Variants in GPC5 observed in about 807,000 individuals in gnomAD.
GPC5 encodes glypican-5.
In GPC5, 47 loss-of-function variants were observed where a neutral mutation model predicts 53.9. That is an observed-to-expected ratio of 0.87 (90% confidence interval 0.69 to 1.11). The LOEUF (loss-of-function observed/expected upper bound fraction) is 1.11, where lower values mean the gene tolerates loss of function less well. Ranked by LOEUF, GPC5 falls within the 50% of genes most tolerant of loss-of-function variation. GPC5 has a pLI of 0.00. For missense variants in GPC5, 748 were observed against 713.1 expected (o/e 1.05, Z -0.56); for synonymous variants, 286 against 263.3 (o/e 1.09, Z -0.84).
At chr13:92,722,233 T>C (rs893175585) in intron 7 of GPC5, among the ~76,000 whole-genome samples, 1 of 152,010 alleles carries the variant, frequency 6.6e-6, no homozygotes, top group Non-Finnish European at 1.5e-5. Context: ...TGCATGTAGT[T>C]TGTGTATGGT....
intron 7 of GPC5, among the ~76,000 whole-genome samples, chr13:92,537,616 G>A (rs932289577): frequency 5.3e-5 from 8 of 151,938 alleles, no homozygotes; most frequent in South Asian, 2.1e-4. Flanking sequence ...AGTCTCCTAG[G>A]TGTACTAGTA....
chr13:91,482,864 G>GT (rs111997854), intron 2 of GPC5, among the ~76,000 whole-genome samples: 13,333 of 142,226 alleles, frequency 0.094, 659 homozygotes, highest in African/African-American at 0.13. Context: ...GAGAATGCAG[G>GT]TTTTTTTTTT....
intron 7 of GPC5, among the ~76,000 whole-genome samples, chr13:92,225,245 G>A (rs1032474308): frequency 6.6e-6 from 1 of 152,052 alleles, no homozygotes; most frequent in Non-Finnish European, 1.5e-5. Context: ...GGCATTAATC[G>A]ACCTTATATT....
At chr13:92,651,360 G>C (rs1307241274) in intron 7 of GPC5, among the ~76,000 whole-genome samples, 1 of 152,090 alleles carries the variant, frequency 6.6e-6, no homozygotes, top group Non-Finnish European at 1.5e-5. Context: ...TTGAAATGGT[G>C]TGATGAAAAT....
chr13:92,819,424 C>T (rs994241663), intron 7 of GPC5, among the ~76,000 whole-genome samples: 6 of 152,152 alleles, frequency 3.9e-5, no homozygotes, highest in African/African-American at 7.2e-5. Flanking sequence ...CTAACTTCAC[C>T]AAACTTTAAT....
intron 7 of GPC5, among the ~76,000 whole-genome samples, chr13:92,424,648 ATT>A (rs59016705): frequency 4.0e-5 from 6 of 148,804 alleles, no homozygotes; most frequent in African/African-American, 7.3e-5. Flanking sequence ...TGATCTCTGT[ATT>A]TTTTTTTTTA....
intron 3 of GPC5, among the ~76,000 whole-genome samples, chr13:91,728,216 A>G (rs2036616453): frequency 6.6e-6 from 1 of 152,142 alleles, no homozygotes; most frequent in African/African-American, 2.4e-5. Flanking sequence ...ATCATAAATA[A>G]TATCTATTTT....
chr13:92,293,283 C>T (rs1407618337), intron 7 of GPC5, among the ~76,000 whole-genome samples: 2 of 151,990 alleles, frequency 1.3e-5, no homozygotes, highest in Non-Finnish European at 2.9e-5. Context: ...AATATTGACT[C>T]TACCCATCCA....
At chr13:92,249,420 C>T (rs1413708326) in intron 7 of GPC5, among the ~76,000 whole-genome samples, 1 of 152,092 alleles carries the variant, frequency 6.6e-6, no homozygotes, top group African/African-American at 2.4e-5. Flanking sequence ...ATCAGTATCT[C>T]TCCAACTACA....
intron 7 of GPC5, among the ~76,000 whole-genome samples, chr13:92,685,575 A>AATTTTT (rs1887247180): frequency 2.1e-5 from 1 of 47,570 alleles, no homozygotes; most frequent in African/African-American, 6.8e-5. Context: ...TTTTTTTTTT[A>AATTTTT]TTATACTCTA....
At chr13:92,140,111 T>C (rs1223425925) in intron 6 of GPC5, among the ~76,000 whole-genome samples, 2 of 152,144 alleles carry the variant, frequency 1.3e-5, no homozygotes, top group Non-Finnish European at 1.5e-5. Flanking sequence ...GAGTTTGAAT[T>C]TGAAAATTAA....
chr13:92,845,401 T>G (rs1320628404), intron 7 of GPC5, among the ~76,000 whole-genome samples: 2 of 152,074 alleles, frequency 1.3e-5, no homozygotes, highest in African/African-American at 4.8e-5. Context: ...ACTAGGAGAA[T>G]CTACAATATA....
intron 7 of GPC5, among the ~76,000 whole-genome samples, chr13:92,521,375 T>C (rs906812498): frequency 3.3e-5 from 5 of 152,132 alleles, no homozygotes; most frequent in Non-Finnish European, 5.9e-5. Flanking sequence ...GACTTCAAAC[T>C]ACACTACAAG....
intron 7 of GPC5, among the ~76,000 whole-genome samples, chr13:92,279,449 T>G (rs2139166303): frequency 6.6e-6 from 1 of 152,182 alleles, no homozygotes; most frequent in Middle Eastern, 3.4e-3. Context: ...TAGTTTTTAC[T>G]TCTTTTCTAA....
chr13:92,737,392 C>T (rs1594466500), intron 7 of GPC5, among the ~76,000 whole-genome samples: 1 of 152,012 alleles, frequency 6.6e-6, no homozygotes, highest in East Asian at 1.9e-4. Context: ...CACACTAATT[C>T]TAGCCAAAGA....
chr13:92,700,138 A>C (rs9561120), intron 7 of GPC5, among the ~76,000 whole-genome samples: 18,113 of 151,908 alleles, frequency 0.12, 1,823 homozygotes, highest in East Asian at 0.4. Flanking sequence ...TATTTTGGAT[A>C]GTTAATTCTT....
intron 6 of GPC5, among the ~76,000 whole-genome samples, chr13:91,978,357 A>G (rs2040326372): frequency 6.6e-6 from 1 of 152,174 alleles, no homozygotes; most frequent in South Asian, 2.1e-4. Context: ...AATGTTTCCT[A>G]TGCACCTAGA....
chr13:91,977,633 C>G (rs2040315896), intron 6 of GPC5, among the ~76,000 whole-genome samples: 1 of 152,162 alleles, frequency 6.6e-6, no homozygotes, highest in African/African-American at 2.4e-5. Flanking sequence ...CTAAACCTCC[C>G]TTTTCTTCCT....
intron 7 of GPC5, among the ~76,000 whole-genome samples, chr13:92,371,326 G>A (rs1431675984): frequency 1.3e-5 from 2 of 152,102 alleles, no homozygotes; most frequent in Non-Finnish European, 2.9e-5. Flanking sequence ...TTCTGTGTAT[G>A]ATACATTACA....
Sources: gnomAD v4.1 joint callset for allele counts (sites outside exome capture counted in the v4.1 genomes callset) on GRCh38, gnomAD v4.1.1 for gene constraint, MANE v1.5 for transcripts, NCBI Gene and HGNC (gene_info 2026-07-23, HGNC 2026-07-21) for gene names.